ZNF716: variants seen among roughly 807,000 people sequenced by gnomAD.
ZNF716 encodes the protein zinc finger protein 716.
Under a neutral mutation model 13.4 loss-of-function variants are expected in ZNF716, and 9 were observed. The ratio of observed to expected loss-of-function variants is 0.67; its 90% CI spans 0.41 to 1.18. The LOEUF is 1.18. Ranked by LOEUF, ZNF716 falls within the 50% of genes most tolerant of loss-of-function variation. ZNF716 has a pLI of 0.01. For synonymous variants in ZNF716, 186 were observed against 195.2 expected, an observed-to-expected ratio of 0.95 and a Z score of 0.39; for missense variants, 581 against 576.6, an observed-to-expected ratio of 1.01 and a Z score of -0.08.
intron 1 of ZNF716, among the ~76,000 whole-genome samples, chr7:57,451,749 GC>G (rs1355689911): frequency 6.8e-6 from 1 of 146,334 alleles, no homozygotes; most frequent in Non-Finnish European, 1.5e-5. Flanking sequence ...CACCCAGCCT[GC>G]GTTTTTCAAC....
intron 3 of ZNF716, among the ~76,000 whole-genome samples, chr7:57,468,324 A>G (rs1789850492): frequency 6.6e-6 from 1 of 152,158 alleles, no homozygotes; most frequent in Non-Finnish European, 1.5e-5. Flanking sequence ...TCTGTCATGG[A>G]AGAGAGAAAG....
At chr7:57,451,687 A>T (rs1447339976) in intron 1 of ZNF716, among the ~76,000 whole-genome samples, 6 of 151,340 alleles carry the variant, frequency 4.0e-5, no homozygotes, top group Non-Finnish European at 8.8e-5. Context: ...GCCTCAAGTG[A>T]TCTGCCCACC....
rs1554325367 is a variant in ZNF716 at position 57,471,996 on chromosome 7, A to G, written c.*2047A>G. ...AAATAGTAATGTAACTCACATTTCA[A>G]ATTACTTCATGTTGATCCTTTCTTC... On this transcript the variant is annotated 3_prime_UTR_variant, in exon 4 of 4. Transcript: ENST00000420713. 1.3e-5 allele frequency: 2 copies of G among 152,242 alleles called. No homozygotes were observed. The highest frequency in any genetic ancestry group is 6.5e-5 in the Admixed American group (1 of 15,284). The allele number at this position is 152,242 out of a possible 1,614,324, so 9.4% of individuals were successfully genotyped here.
rs1324288609 is a variant in ZNF716, at chr7:57,473,348, A to C, written c.*3399A>C. 2 of 151,940 alleles carry C rather than the reference A, an allele frequency of 1.3e-5. No individual in the cohort carries two copies. Among genetic ancestry groups the C allele is most frequent in the Non-Finnish European group, 2.9e-5 (2 of 67,990 alleles). The allele number at this position is 151,940 out of a possible 1,614,324, so 9.4% of individuals were successfully genotyped here. A position where few individuals can be genotyped will look rare whatever the true frequency, so the allele number is the denominator to read the frequency against. ...AGCCTGGCCAACATGGTGAAACCCC[A>C]TCTCTACTAAAAATACAAAAAATTA... On this transcript the variant is annotated 3_prime_UTR_variant, in exon 4 of 4. Coordinates refer to ENST00000420713, the MANE Select transcript of ZNF716 (RefSeq NM_001159279.1).
Position 57,472,041 on chromosome 7 carries a change from A to G in ZNF716, c.*2092A>G, listed in dbSNP as rs538622803. On this transcript the variant is annotated 3_prime_UTR_variant, in exon 4 of 4. Coordinates refer to ENST00000420713, the MANE Select transcript of ZNF716 (RefSeq NM_001159279.1). ...TTCTTCCCATTGTTTCTGTGAAAGTATTGGACCAATTGTTGAATCAGAGAT... is the reference window on the plus strand; with the variant it reads ...TTCTTCCCATTGTTTCTGTGAAAGTGTTGGACCAATTGTTGAATCAGAGAT... The G allele has an allele frequency of 1.2e-4, 19 of 152,310 alleles. 2 individuals carry two copies. The South Asian group carries it at 3.9e-3, about 32-fold the overall frequency. The allele number at this position is 152,310 out of a possible 1,614,324, so 9.4% of individuals were successfully genotyped here.
chr7:57,459,390 CA>C (rs78465786), intron 1 of ZNF716, among the ~76,000 whole-genome samples: 58,855 of 151,612 alleles, frequency 0.39, 11,604 homozygotes, highest in East Asian at 0.51. Flanking sequence ...AAAAAGCCAA[CA>C]AAAAATATAA....
chr7:57,451,508 T>A (rs921691549), intron 1 of ZNF716, among the ~76,000 whole-genome samples: 1 of 142,116 alleles, frequency 7.0e-6, no homozygotes, highest in Non-Finnish European at 1.5e-5. Context: ...AGTTCAGTGG[T>A]GTGATCTCAG....
At chr7:57,458,627 T>C (rs1350711163) in intron 1 of ZNF716, among the ~76,000 whole-genome samples, 1 of 152,188 alleles carries the variant, frequency 6.6e-6, no homozygotes, top group Non-Finnish European at 1.5e-5. Flanking sequence ...TTCACCATGT[T>C]GGCCAGGCTG....
At chr7:57,458,318 T>C (rs1379546981) in intron 1 of ZNF716, among the ~76,000 whole-genome samples, 1 of 152,216 alleles carries the variant, frequency 6.6e-6, no homozygotes, top group Non-Finnish European at 1.5e-5. Context: ...AAACCTCTGG[T>C]TTCTGACTGT....
chr7:57,464,710 G>A (rs1394252911), intron 3 of ZNF716, among the ~76,000 whole-genome samples: 4 of 128,226 alleles, frequency 3.1e-5, no homozygotes, highest in Non-Finnish European at 5.2e-5. Context: ...TAAGAGTTTC[G>A]TTACTTTTTT....
In ZNF716 at chr7:57,470,783, A is replaced by C. The variant is rs1241959723; in HGVS notation, c.*834A>C. ...CCATCTTTATTAATTAAAATATTTT[A>C]TACTGGAGAGAAACTCTACATACAT... On this transcript the variant is annotated 3_prime_UTR_variant, in exon 4 of 4. Coordinates refer to ENST00000420713, the MANE Select transcript of ZNF716 (RefSeq NM_001159279.1). 1 of 152,072 alleles carries C rather than the reference A, an allele frequency of 6.6e-6. No individual in the cohort carries two copies. Among genetic ancestry groups the C allele is most frequent in the Non-Finnish European group, 1.5e-5 (1 of 68,014 alleles). The allele number at this position is 152,072 out of a possible 1,614,324, so 9.4% of individuals were successfully genotyped here.
At chr7:57,452,634 T>C (rs1319770131) in intron 1 of ZNF716, among the ~76,000 whole-genome samples, 1 of 151,880 alleles carries the variant, frequency 6.6e-6, no homozygotes, top group African/African-American at 2.4e-5. Context: ...TGAGACTCTG[T>C]CTCAGAAAGA....
Position 57,469,956 on chromosome 7 carries a change from A to C in ZNF716, c.*7A>C. 1 of 1,541,156 alleles carries C rather than the reference A, an allele frequency of 6.5e-7. No individual in the cohort carries two copies. The highest frequency in any genetic ancestry group is 8.7e-7 in the Non-Finnish European group (1 of 1,143,754). On this transcript the variant is annotated 3_prime_UTR_variant, in exon 4 of 4. Coordinates refer to ENST00000420713, the MANE Select transcript of ZNF716 (RefSeq NM_001159279.1). Reference sequence around the variant, plus strand: ...ACCCTACAAATATGAATAATGTGGTAAAGTCCAGCCCTCAGGCCTTATAAT... The same window carrying C: ...ACCCTACAAATATGAATAATGTGGTCAAGTCCAGCCCTCAGGCCTTATAAT...
At chr7:57,451,743 C>T (rs1789499603) in intron 1 of ZNF716, among the ~76,000 whole-genome samples, 1 of 150,834 alleles carries the variant, frequency 6.6e-6, no homozygotes, top group African/African-American at 2.4e-5. Context: ...CTATCACACC[C>T]AGCCTGCGTT....
intron 1 of ZNF716, among the ~76,000 whole-genome samples, chr7:57,456,219 GC>G (rs1348091613): frequency 3.3e-5 from 5 of 152,020 alleles, no homozygotes; most frequent in Admixed American, 3.3e-4. Flanking sequence ...TTCCCAACGT[GC>G]TGGGATTACA....
At chr7:57,453,862 A>G (rs544661397) in intron 1 of ZNF716, among the ~76,000 whole-genome samples, 1 of 152,248 alleles carries the variant, frequency 6.6e-6, no homozygotes, top group South Asian at 2.1e-4. Flanking sequence ...TTGGAGACCG[A>G]GTCTTTGTCA....
chr7:57,471,525 G>C lies in ZNF716; in HGVS notation c.*1576G>C, dbSNP rs1167561959. 2.0e-5 allele frequency: 3 copies of C among 151,974 alleles called. No homozygotes were observed. The highest frequency in any genetic ancestry group is 7.3e-5 in the African/African-American group (3 of 41,366). 9.4% of individuals were successfully genotyped at this position (151,974 alleles called of 1,614,324 possible). The stretch of plus-strand genomic sequence containing the variant: ...AAAGACAAACATTAAAACATAAAGA[G>C]GATTGTGTAGTACCTTTATTTGTAT... On this transcript the variant is annotated 3_prime_UTR_variant, in exon 4 of 4. Transcript: ENST00000420713.
At chr7:57,456,970 T>C (rs111812020) in intron 1 of ZNF716, among the ~76,000 whole-genome samples, 1,828 of 152,244 alleles carry the variant, frequency 0.012, 41 homozygotes, top group African/African-American at 0.042. Context: ...GACCTCCTCC[T>C]TTCAGAGCTG....
At chr7:57,462,414 GTGTGTTCA>G in intron 1 of ZNF716, 38 bp from the exon 2 acceptor site, 1 of 1,591,236 alleles carries the variant, frequency 6.3e-7, no homozygotes. Context: ...GTAACTGTTT[GTGTGTTCA>G]TGAGTGTTTT....
Sources: gnomAD v4.1 joint callset for allele counts (sites outside exome capture counted in the v4.1 genomes callset) on GRCh38, gnomAD v4.1.1 for gene constraint, MANE v1.5 for transcripts, NCBI Gene and HGNC (gene_info 2026-07-23, HGNC 2026-07-21) for gene names.